Variants in INPP5D observed in about 807,000 individuals in gnomAD.
INPP5D encodes phosphatidylinositol 3,4,5-trisphosphate 5-phosphatase 1.
In INPP5D, 33 loss-of-function variants were observed where a neutral mutation model predicts 122.9. The observed-to-expected ratio is 0.27, with a 90% CI of 0.20 to 0.36. The LOEUF (loss-of-function observed/expected upper bound fraction) is 0.36, where lower values mean the gene tolerates loss of function less well. Among genes scored for constraint, INPP5D ranks in the 10% least tolerant of loss-of-function variants. The pLI is 1.00. For missense variants in INPP5D, 1,053 were observed against 1,412.7 expected, an observed-to-expected ratio of 0.75 and a Z score of 4.08; for synonymous variants, 584 against 576.2, an observed-to-expected ratio of 1.01 and a Z score of -0.19.
At chr2:233,194,959 C>A (rs1456655427) in intron 23 of INPP5D, among the ~76,000 whole-genome samples, 1 of 151,960 alleles carries the variant, frequency 6.6e-6, no homozygotes, top group African/African-American at 2.4e-5. Flanking sequence ...CCACCACTGG[C>A]TAATTTTTGT....
chr2:233,125,694 G>A (rs1163562386), intron 3 of INPP5D, 51 bp from the exon 4 acceptor site: 16 of 1,541,454 alleles, frequency 1.0e-5, no homozygotes, highest in African/African-American at 1.4e-5. Context: ...GGTGAAGGCC[G>A]GGTTGTGCGC....
intron 10 of INPP5D, 66 bp downstream of exon 10, chr2:233,158,485 C>T (rs1291022972): frequency 3.1e-5 from 20 of 655,212 alleles, no homozygotes; most frequent in South Asian, 6.9e-5. Context: ...TTTTGAGGCT[C>T]GCTGTGTGCC....
intron 2 of INPP5D, among the ~76,000 whole-genome samples, chr2:233,114,249 G>A (rs1306589739): frequency 6.6e-6 from 1 of 152,174 alleles, no homozygotes; most frequent in Non-Finnish European, 1.5e-5. Context: ...ATTCTGCCAG[G>A]CCCCAAGGGC....
chr2:233,198,213 C>G lies in INPP5D; in HGVS notation c.2812C>G (p.Gln938Glu). 2 of 1,613,682 alleles carry G rather than the reference C, an allele frequency of 1.2e-6. No homozygotes were observed. The highest frequency in any genetic ancestry group is 1.7e-6 in the Non-Finnish European group (2 of 1,179,892). The change falls in exon 25 of 27, where the codon CAG (glutamine) becomes GAG (glutamate). Residue 938 changes from glutamine to glutamate, a missense_variant. Transcript: ENST00000445964. ...GAAGCAGACCTTGTCCCCTGACCAGCAGCCCACAGCCTGGAGCTACGACCA... is the reference window on the plus strand; with the variant it reads ...GAAGCAGACCTTGTCCCCTGACCAGGAGCCCACAGCCTGGAGCTACGACCA... Reference protein sequence around the residue: ...HVKQTLSPDQQPTAWSYDQPP... With the variant: ...HVKQTLSPDQEPTAWSYDQPP...
chr2:233,151,300 C>T lies in INPP5D; in HGVS notation c.1030+3706C>T, dbSNP rs540788344. 3.8e-4 allele frequency among the ~76,000 whole-genome samples: 53 copies of T among 139,642 alleles called. 1 individual carries two copies. Among genetic ancestry groups the T allele is most frequent in the African/African-American group, 1.4e-3 (51 of 36,064 alleles). 91.6% of individuals were successfully genotyped at this position (139,642 alleles called of 152,430 possible). ...TCACCCTGAGCAACACAGCAAGACT[C>T]CATCTCTAAAAATTAATAATAATAA... On this transcript the variant is annotated intron_variant, in intron 9 of 26. Coordinates refer to ENST00000445964, the MANE Select transcript of INPP5D (RefSeq NM_001017915.3).
intron 9 of INPP5D, among the ~76,000 whole-genome samples, chr2:233,151,119 G>A (rs1693912822): frequency 6.6e-6 from 1 of 152,118 alleles, no homozygotes; most frequent in African/African-American, 2.4e-5. Flanking sequence ...AAACAGATCA[G>A]GGATGGGTGA....
chr2:233,168,030 GA>G (rs1029689487), intron 13 of INPP5D, among the ~76,000 whole-genome samples: 3 of 93,224 alleles, frequency 3.2e-5, no homozygotes, highest in Non-Finnish European at 5.5e-5. Context: ...AAAAAAGAAA[GA>G]AAGGAAGAAA....
chr2:233,115,057 A>G (rs1692747948), intron 2 of INPP5D, among the ~76,000 whole-genome samples: 1 of 152,150 alleles, frequency 6.6e-6, no homozygotes, highest in South Asian at 2.1e-4. Flanking sequence ...AGTAGAGATG[A>G]GGTTTCACCA....
intron 13 of INPP5D, among the ~76,000 whole-genome samples, chr2:233,165,365 T>C (rs1158987353): frequency 2.0e-5 from 3 of 151,814 alleles, no homozygotes; most frequent in Admixed American, 1.3e-4. Context: ...TGTCTGTATG[T>C]GTGAGTCCAT....
intron 2 of INPP5D, among the ~76,000 whole-genome samples, chr2:233,092,128 C>G (rs905664970): frequency 6.6e-6 from 1 of 152,326 alleles, no homozygotes; most frequent in East Asian, 1.9e-4. Context: ...ATCAGCTCTG[C>G]GAGGTTGGCG....
Position 233,189,284 on chromosome 2 carries a change from G to A in INPP5D, c.2359-566G>A, listed in dbSNP as rs1379157005. Among the ~76,000 whole-genome samples, 3 of 152,332 alleles carry A rather than the reference G, an allele frequency of 2.0e-5. No homozygotes were observed. The highest frequency in any genetic ancestry group is 7.2e-5 in the African/African-American group (3 of 41,570). On this transcript the variant is annotated intron_variant, in intron 21 of 26. Transcript: ENST00000445964. The surrounding 1 kb of genome is among the most constrained non-coding windows in gnomAD (Gnocchi z 5.6). ...TCGCTGAGCCACACCCCCAACAATC[G>A]GTAGGACACTCCAGGCCCAGCTGGG...
At chr2:233,136,075 G>T (rs2106268883) in intron 5 of INPP5D, among the ~76,000 whole-genome samples, 2 of 152,354 alleles carry the variant, frequency 1.3e-5, no homozygotes, top group Middle Eastern at 3.4e-3. Context: ...AGGTGTGGAG[G>T]CACAGAGTGG....
chr2:233,076,834 T>C (rs1691532090), intron 1 of INPP5D, among the ~76,000 whole-genome samples: 1 of 152,152 alleles, frequency 6.6e-6, no homozygotes, highest in African/African-American at 2.4e-5. Context: ...CCTCTCAGAT[T>C]TGCAAAGATT....
intron 1 of INPP5D, among the ~76,000 whole-genome samples, chr2:233,074,673 G>A (rs1198631849): frequency 6.6e-6 from 1 of 150,752 alleles, no homozygotes; most frequent in African/African-American, 2.4e-5. Context: ...ACCCCATCTT[G>A]TCCAGAAATC....
intron 3 of INPP5D, 79 bp downstream of exon 3, chr2:233,122,336 G>A (rs973306924): frequency 6.3e-5 from 91 of 1,448,322 alleles, no homozygotes; most frequent in Non-Finnish European, 7.9e-5. Context: ...TGTAGACTAG[G>A]TGAGTCCTAT....
chr2:233,095,550 G>C (rs143317586), intron 2 of INPP5D, among the ~76,000 whole-genome samples: 1,608 of 149,044 alleles, frequency 0.011, 35 homozygotes, highest in African/African-American at 0.038. Context: ...CTGAACCTGG[G>C]AGGCAGAGGT....
Position 233,170,990 on chromosome 2 carries a change from C to T in INPP5D, c.1901-74C>T. The T allele has an allele frequency of 6.4e-7, 1 of 1,574,214 alleles. No homozygotes were observed. The highest frequency in any genetic ancestry group is 1.2e-5 in the South Asian group (1 of 86,502). ...CGTCCCCTTTCCCCTGATTTCCTACCAGAAGAATAGGGAAAATTGGCCAGA... is the reference window on the plus strand; with the variant it reads ...CGTCCCCTTTCCCCTGATTTCCTACTAGAAGAATAGGGAAAATTGGCCAGA... On this transcript the variant is annotated intron_variant, in intron 16 of 26. Transcript: ENST00000445964. This position sits in a 1 kb window ranked among gnomAD's most constrained non-coding sequence, Gnocchi z 4.5.
At chr2:233,205,242 G>C (rs1208544875) in intron 26 of INPP5D, 1 of 151,228 alleles carries the variant, frequency 6.6e-6, no homozygotes, top group Non-Finnish European at 1.5e-5. Context: ...CTGCTTGGGA[G>C]GCTGAGGCAG....
rs369581928 is a variant in INPP5D, at chr2:233,127,697, C to T, written c.524+1778C>T. Among the ~76,000 whole-genome samples the T allele has an allele frequency of 2.4e-3, 360 of 152,336 alleles. 1 individual carries two copies. The highest frequency in any genetic ancestry group is 3.6e-3 in the Non-Finnish European group (242 of 68,036). On this transcript the variant is annotated intron_variant, in intron 4 of 26. Coordinates refer to ENST00000445964, the MANE Select transcript of INPP5D (RefSeq NM_001017915.3). ...GATCTCAGCTCACTGCAACCTCCCCCTCCCGGGTTCAAGTGATTCTCCTGC... is the reference window on the plus strand; with the variant it reads ...GATCTCAGCTCACTGCAACCTCCCCTTCCCGGGTTCAAGTGATTCTCCTGC...
Sources: gnomAD v4.1 joint callset for allele counts (sites outside exome capture counted in the v4.1 genomes callset) on GRCh38, gnomAD v4.1.1 for gene constraint, Gnocchi (gnomAD v3.1) non-coding constraint, MANE v1.5 for transcripts, NCBI Gene and HGNC (gene_info 2026-07-23, HGNC 2026-07-21) for gene names.